Variants in MALAT1 observed in about 807,000 individuals in gnomAD.
The protein encoded by MALAT1 is hepcarcin.
exon 3 of MALAT1, chr11:65,501,039 C>T (rs1166478645): frequency 2.0e-6 from 1 of 508,414 alleles, no homozygotes; most frequent in Non-Finnish European, 3.9e-6. Flanking sequence ...TTGAGGAAAA[C>T]CAAATGAATT....
rs770559710 is a variant in MALAT1, at chr11:65,504,029, T to C, written n.5168+124T>C. 44 of 518,120 alleles carry C rather than the reference T, an allele frequency of 8.5e-5. No individual in the cohort carries two copies. The Middle Eastern group carries it at 1.6e-3, about 19-fold the overall frequency. The allele number at this position is 518,120 out of a possible 1,614,324, so 32.1% of individuals were successfully genotyped here. On this transcript the variant is annotated intron_variant and non_coding_transcript_variant, in intron 3 of 3. Coordinates refer to ENST00000619449, the Ensembl canonical transcript of MALAT1. ...ATTTCCAAAGTTTGCATGTTAACTT[T>C]AAATGCTTACAATCTTAGAGTGGTA...
exon 3 of MALAT1, chr11:65,499,325 A>G: frequency 2.0e-6 from 1 of 503,904 alleles, no homozygotes; most frequent in South Asian, 1.4e-5. Flanking sequence ...AAGCTTCTTC[A>G]TGGAGTAAAA....
exon 3 of MALAT1, chr11:65,501,140 G>A (rs1275482150): frequency 2.0e-6 from 1 of 512,358 alleles, no homozygotes; most frequent in Non-Finnish European, 3.9e-6. Flanking sequence ...GTGAATAGAT[G>A]ACCTGTTTTT....
chr11:65,497,896 AG>A (rs1565670713), intron 1 of MALAT1: 1 of 518,690 alleles, frequency 1.9e-6, no homozygotes, highest in Non-Finnish European at 3.9e-6. Context: ...CCGGGAGCCC[AG>A]GTTTCCCAGA....
chr11:65,499,575 C>G (rs1430723721), exon 3 of MALAT1: 1 of 454,236 alleles, frequency 2.2e-6, no homozygotes, highest in Non-Finnish European at 4.4e-6. Flanking sequence ...GCCTAGTTAA[C>G]GCATTTACTA....
chr11:65,499,325 A>T (rs1469164206), exon 3 of MALAT1: 2 of 503,902 alleles, frequency 4.0e-6, no homozygotes, highest in South Asian at 2.9e-5. Flanking sequence ...AAGCTTCTTC[A>T]TGGAGTAAAA....
exon 3 of MALAT1, chr11:65,501,582 A>T: frequency 1.9e-6 from 1 of 518,600 alleles, no homozygotes; most frequent in Non-Finnish European, 3.8e-6. Flanking sequence ...TTTTTCTAAG[A>T]TTTTCCACAG....
At chr11:65,501,333 T>TCAGA (rs750014002) in exon 3 of MALAT1, 1 of 518,358 alleles carries the variant, frequency 1.9e-6, no homozygotes, top group South Asian at 1.4e-5. Context: ...AACAAGAAAA[T>TCAGA]CCAATATCAG....
chr11:65,504,124 C>G (rs774340870), intron 3 of MALAT1: 1 of 516,282 alleles, frequency 1.9e-6, no homozygotes, highest in Non-Finnish European at 3.9e-6. Context: ...AAAGAATTTT[C>G]CTTTGCAGAG....
exon 3 of MALAT1, chr11:65,501,433 G>A (rs758662391): frequency 1.9e-6 from 1 of 516,064 alleles, no homozygotes; most frequent in African/African-American, 1.9e-5. Context: ...TTGGAGAAAT[G>A]GCTGGTAGTT....
At chr11:65,503,373 C>T (rs774763117) in exon 3 of MALAT1, 9 of 518,720 alleles carry the variant, frequency 1.7e-5, no homozygotes, top group African/African-American at 1.2e-4. Context: ...CTGTGGGCTT[C>T]AGTGATGGGA....
At chr11:65,504,653 T>A in intron 3 of MALAT1, 1 of 518,982 alleles carries the variant, frequency 1.9e-6, no homozygotes, top group Non-Finnish European at 3.8e-6. Flanking sequence ...TTTAGTCTTT[T>A]CCAGATGCAA....
chr11:65,497,927 G>C (rs1303742241), intron 1 of MALAT1: 4 of 518,710 alleles, frequency 7.7e-6, no homozygotes, highest in Non-Finnish European at 1.5e-5. Flanking sequence ...ACGCAGCGAC[G>C]AGTTGTGCTG....
exon 3 of MALAT1, chr11:65,502,211 GAC>G (rs1854566039): frequency 3.9e-6 from 2 of 518,930 alleles, no homozygotes; most frequent in Non-Finnish European, 7.7e-6. Context: ...CTACTGGGCT[GAC>G]ATTAACTACA....
At chr11:65,498,224 T>A in intron 1 of MALAT1, 1 of 518,884 alleles carries the variant, frequency 1.9e-6, no homozygotes, top group South Asian at 1.4e-5. Flanking sequence ...GCTTAGTTGG[T>A]CTACTTTAAA....
intron 3 of MALAT1, chr11:65,504,680 A>T (rs1261644015): frequency 3.9e-6 from 2 of 518,894 alleles, no homozygotes; most frequent in Non-Finnish European, 7.7e-6. Context: ...AATCAGTGAC[A>T]AGAAACATTC....
exon 3 of MALAT1, chr11:65,501,820 CT>C: frequency 1.9e-6 from 1 of 517,860 alleles, no homozygotes; most frequent in South Asian, 1.4e-5. Flanking sequence ...AATAATGTGA[CT>C]TCTTAAAAGT....
chr11:65,503,124 T>C, exon 3 of MALAT1: 1 of 508,460 alleles, frequency 2.0e-6, no homozygotes, highest in Non-Finnish European at 3.9e-6. Flanking sequence ...CAGACAGGTA[T>C]CTCTTCGTTA....
chr11:65,502,471 A>C (rs1144795), exon 3 of MALAT1: 1 of 497,154 alleles, frequency 2.0e-6, no homozygotes, highest in Non-Finnish European at 3.9e-6. Context: ...GTTTAACTGC[A>C]AAACAAGATG....
Sources: gnomAD v4.1 joint callset for allele counts on GRCh38, gnomAD v4.1.1 for gene constraint, MANE v1.5 for transcripts, NCBI Gene and HGNC (gene_info 2026-07-23, HGNC 2026-07-21) for gene names.